The following MAGI3 variants were observed in gnomAD, a reference collection of about 807,000 sequenced individuals.
The protein encoded by MAGI3 is membrane associated guanylate kinase, WW and PDZ domain containing 3.
A neutral mutation model predicts 121.8 loss-of-function variants in MAGI3; 43 were observed. The observed-to-expected ratio is 0.35, with a 90% CI of 0.28 to 0.46. The LOEUF is 0.46. Ranked by LOEUF, MAGI3 falls within the 20% of genes least tolerant of loss-of-function variation. MAGI3 has a pLI of 1.00. For missense variants in MAGI3, 1,547 were observed against 1,797.3 expected, an observed-to-expected ratio of 0.86 and a Z score of 2.52; for synonymous variants, 553 against 639.3, an observed-to-expected ratio of 0.86 and a Z score of 2.04.
chr1:113,510,171 A>C (rs1657544163), intron 1 of MAGI3, among the ~76,000 whole-genome samples: 1 of 152,196 alleles, frequency 6.6e-6, no homozygotes, highest in South Asian at 2.1e-4. Flanking sequence ...TGCAATTTTT[A>C]AGTATTTTTA....
intron 16 of MAGI3, among the ~76,000 whole-genome samples, chr1:113,667,388 G>A (rs951085442): frequency 6.6e-6 from 1 of 152,186 alleles, no homozygotes; most frequent in African/African-American, 2.4e-5. Context: ...TTATATTATA[G>A]AGATGACTTC....
intron 10 of MAGI3, among the ~76,000 whole-genome samples, chr1:113,643,516 G>A (rs3747998): frequency 6.6e-6 from 1 of 152,020 alleles, no homozygotes; most frequent in Non-Finnish European, 1.5e-5. Flanking sequence ...GTATAGGAAA[G>A]AATCTTAGTT....
At chr1:113,553,397 G>C (rs1242184236) in intron 2 of MAGI3, among the ~76,000 whole-genome samples, 1 of 152,176 alleles carries the variant, frequency 6.6e-6, no homozygotes, top group Non-Finnish European at 1.5e-5. Flanking sequence ...CCTTGACTCT[G>C]TGGCTGAATA....
chr1:113,620,683 C>T (rs1373611068), intron 8 of MAGI3, among the ~76,000 whole-genome samples: 1 of 152,152 alleles, frequency 6.6e-6, no homozygotes, highest in Non-Finnish European at 1.5e-5. Context: ...TAAGACAGGG[C>T]TTGCCCTCAA....
rs1191136987 is a variant in MAGI3 at position 113,658,672 on chromosome 1, T to C, written c.2630-408T>C. Among the ~76,000 whole-genome samples, 1 of 152,216 alleles carries C rather than the reference T, an allele frequency of 6.6e-6. No homozygotes were observed. Among genetic ancestry groups the C allele is most frequent in the African/African-American group, 2.4e-5 (1 of 41,456 alleles). On this transcript the variant is annotated intron_variant, in intron 15 of 20. Coordinates refer to ENST00000307546, the MANE Select transcript of MAGI3 (RefSeq NM_001142782.2). This position sits in a 1 kb window ranked among gnomAD's most constrained non-coding sequence, Gnocchi z 4.0. ...TTTAACAGAAGCAAAGATAATCTTA[T>C]CGTAGCAGTTTTTAAAATAGCTAAA...
chr1:113,445,244 A>C (rs1290413218), intron 1 of MAGI3, among the ~76,000 whole-genome samples: 1 of 152,180 alleles, frequency 6.6e-6, no homozygotes, highest in Non-Finnish European at 1.5e-5. Context: ...GAATATAAAC[A>C]TCCAAAAAGT....
intron 1 of MAGI3, among the ~76,000 whole-genome samples, chr1:113,424,686 CAT>C (rs1652909293): frequency 6.6e-6 from 1 of 152,148 alleles, no homozygotes; most frequent in Non-Finnish European, 1.5e-5. Context: ...TGTTGAAAGA[CAT>C]AGACTGATTC....
intron 1 of MAGI3, among the ~76,000 whole-genome samples, chr1:113,520,376 G>T (rs1337866164): frequency 6.6e-6 from 1 of 151,864 alleles, no homozygotes; most frequent in Admixed American, 6.6e-5. Flanking sequence ...CATGATTCCT[G>T]CCATGAAGAA....
intron 1 of MAGI3, among the ~76,000 whole-genome samples, chr1:113,428,164 T>C (rs567475483): frequency 6.6e-6 from 1 of 152,352 alleles, no homozygotes; most frequent in South Asian, 2.1e-4. Flanking sequence ...TTCAACTTGT[T>C]GTTAAAAATG....
chr1:113,391,268 G>C lies in MAGI3; in HGVS notation c.235G>C (p.Val79Leu). 1 of 1,587,344 alleles carries C rather than the reference G, an allele frequency of 6.3e-7. No homozygotes were observed. Among genetic ancestry groups the C allele is most frequent in the South Asian group, 1.1e-5 (1 of 87,026 alleles). ...GCTGCTGGAGGTAAACGGGACGCCTGTCAGCGGGCTCACCAACCGGGACAC... is the reference window on the plus strand; with the variant it reads ...GCTGCTGGAGGTAAACGGGACGCCTCTCAGCGGGCTCACCAACCGGGACAC... ...DVLLEVNGTP[V>L]SGLTNRDTLA... Residue 79 changes from valine to leucine, a missense_variant, in exon 1 of 21, where the codon GTC becomes CTC. Coordinates refer to ENST00000307546, the MANE Select transcript of MAGI3 (RefSeq NM_001142782.2). This position sits in a 1 kb window ranked among gnomAD's most constrained non-coding sequence, Gnocchi z 4.4.
intron 1 of MAGI3, among the ~76,000 whole-genome samples, chr1:113,398,487 T>C (rs922219185): frequency 5.9e-5 from 9 of 152,218 alleles, no homozygotes; most frequent in African/African-American, 2.2e-4. Flanking sequence ...ATTAAAACTT[T>C]CTGGCATTTT....
chr1:113,640,836 T>C (rs897457919), intron 9 of MAGI3, among the ~76,000 whole-genome samples: 1 of 149,274 alleles, frequency 6.7e-6, no homozygotes, highest in Non-Finnish European at 1.5e-5. Flanking sequence ...GGCACACTTA[T>C]ACCTATGTAA....
At chr1:113,485,426 TC>T (rs1398401446) in intron 1 of MAGI3, among the ~76,000 whole-genome samples, 1 of 152,264 alleles carries the variant, frequency 6.6e-6, no homozygotes, top group Non-Finnish European at 1.5e-5. Context: ...TGAACATTTT[TC>T]CATATGCTTG....
chr1:113,456,680 C>G (rs1654776110), intron 1 of MAGI3, among the ~76,000 whole-genome samples: 1 of 152,246 alleles, frequency 6.6e-6, no homozygotes, highest in Non-Finnish European at 1.5e-5. Flanking sequence ...TGATAAAACT[C>G]AATATTCATT....
chr1:113,634,252 T>C (rs2101808056), intron 9 of MAGI3, among the ~76,000 whole-genome samples: 1 of 151,554 alleles, frequency 6.6e-6, no homozygotes, highest in East Asian at 1.9e-4. Context: ...TAGATCCCAT[T>C]TGTCAATTTT....
In MAGI3 at chr1:113,580,651, G is replaced by A; in HGVS notation, c.543G>A (p.Gly181=). 1.2e-6 allele frequency: 2 copies of A among 1,604,044 alleles called. No homozygotes were observed. Among genetic ancestry groups the A allele is most frequent in the Non-Finnish European group, 1.7e-6 (2 of 1,175,004 alleles). The part of the protein sequence containing the change: ...LEESGALLES[G]TYDGNFYGTP... Reference sequence around the variant, plus strand: ...AGAGTGGAGCATTGTTAGAAAGTGGGACATATGATGGTATGTCCCCAAATA... The same window carrying A: ...AGAGTGGAGCATTGTTAGAAAGTGGAACATATGATGGTATGTCCCCAAATA... The change falls in exon 3 of 21, where the codon GGG becomes GGA. Residue 181 remains glycine (G), a synonymous_variant. Transcript: ENST00000307546.
intron 1 of MAGI3, among the ~76,000 whole-genome samples, chr1:113,396,706 A>G (rs1651133129): frequency 6.6e-6 from 1 of 152,164 alleles, no homozygotes; most frequent in Admixed American, 6.6e-5. Flanking sequence ...TCCCTCAGCA[A>G]ATACTTAGTG....
chr1:113,519,261 C>A (rs961931904), intron 1 of MAGI3, among the ~76,000 whole-genome samples: 1 of 152,080 alleles, frequency 6.6e-6, no homozygotes, highest in Non-Finnish European at 1.5e-5. Context: ...TAGTTCATAG[C>A]TTCAAAGTAT....
In MAGI3 at chr1:113,391,419, G is replaced by C; in HGVS notation, c.316+70G>C. 6.7e-7 allele frequency: 1 copy of C among 1,495,444 alleles called. No homozygotes were observed. Among genetic ancestry groups the C allele is most frequent in the Admixed American group, 2.0e-5 (1 of 49,874 alleles). 92.6% of individuals were successfully genotyped at this position (1,495,444 alleles called of 1,614,324 possible). On this transcript the variant is annotated intron_variant, in intron 1 of 20. Transcript: ENST00000307546. The surrounding 1 kb of genome is among the most constrained non-coding windows in gnomAD (Gnocchi z 4.4). ...GCTTCAGGGTGGGCGTCCTGGGAGC[G>C]GCGGCACCTCCCCACCGCGTATTGT...
Sources: allele counts gnomAD v4.1 joint callset (sites outside exome capture counted in the v4.1 genomes callset), GRCh38; gene constraint gnomAD v4.1.1; non-coding constraint Gnocchi (gnomAD v3.1); transcripts MANE v1.5; gene names NCBI Gene and HGNC (gene_info 2026-07-23, HGNC 2026-07-21).